SPAG16: variants seen among roughly 807,000 people sequenced by gnomAD.
The protein encoded by SPAG16 is sperm-associated antigen 16 protein.
A neutral mutation model predicts 80.4 loss-of-function variants in SPAG16; 86 were observed. That is an observed-to-expected ratio of 1.07 (90% CI 0.90 to 1.28). The LOEUF is 1.28. Ranked by LOEUF, SPAG16 falls within the 50% of genes most tolerant of loss-of-function variation. The probability of loss-of-function intolerance (pLI) is 0.00; values close to 1 mark genes in which losing one functional copy is unlikely to be tolerated. For missense variants in SPAG16, 870 were observed against 765.3 expected, an observed-to-expected ratio of 1.14 and a Z score of -1.61; for synonymous variants, 294 against 265.9, an observed-to-expected ratio of 1.11 and a Z score of -1.03.
intron 12 of SPAG16, 69 bp downstream of exon 12, chr2:213,930,214 C>CA (rs1369446092): frequency 3.2e-5 from 31 of 966,672 alleles, no homozygotes; most frequent in Non-Finnish European, 4.1e-5. Context: ...TGGTAAAGTT[C>CA]TTTTTTTTTT....
At chr2:213,883,886 T>G (rs1203449166) in intron 11 of SPAG16, among the ~76,000 whole-genome samples, 1 of 152,212 alleles carries the variant, frequency 6.6e-6, no homozygotes, top group African/African-American at 2.4e-5. Context: ...GTCCATTTAC[T>G]TTGAGCCTGA....
At position 214,408,683 on chromosome 2, in the gene SPAG16, GCTATTTTC is replaced by G. The variant is rs1702130334; in HGVS notation, c.1721-1456_1721-1449del. On this transcript the variant is annotated intron_variant, in intron 15 of 15. Coordinates refer to ENST00000331683, the MANE Select transcript of SPAG16 (RefSeq NM_024532.5). ...AATTCTTATTATAAAATGGACCAATGCTATTTTCACAATATATCACTTACCTAAAATCT... is the reference window on the plus strand; with the variant it reads ...AATTCTTATTATAAAATGGACCAATGACAATATATCACTTACCTAAAATCT... 2.0e-5 allele frequency among the ~76,000 whole-genome samples: 3 copies of G among 152,216 alleles called. No individual in the cohort carries two copies. The South Asian group carries it at 6.2e-4, about 32-fold the overall frequency.
At chr2:213,997,741 T>G (rs1461221670) in intron 12 of SPAG16, among the ~76,000 whole-genome samples, 4 of 152,168 alleles carry the variant, frequency 2.6e-5, no homozygotes, top group Admixed American at 6.5e-5. Flanking sequence ...GCTGATGAGG[T>G]TATAAAAAAA....
At chr2:213,793,219 C>T (rs1489147770) in intron 10 of SPAG16, among the ~76,000 whole-genome samples, 2 of 152,050 alleles carry the variant, frequency 1.3e-5, no homozygotes, top group South Asian at 2.1e-4. Flanking sequence ...TGAGCCACCG[C>T]GCGGCCTTAT....
intron 15 of SPAG16, among the ~76,000 whole-genome samples, chr2:214,393,385 T>A (rs1229010633): frequency 6.6e-6 from 1 of 152,126 alleles, no homozygotes. Flanking sequence ...TCCCCTGAAT[T>A]GAGTTTAATA....
chr2:213,888,095 G>A (rs1223944872), intron 11 of SPAG16, among the ~76,000 whole-genome samples: 1 of 151,854 alleles, frequency 6.6e-6, no homozygotes, highest in East Asian at 1.9e-4. Context: ...TGTTTACCTT[G>A]AAGGAGCAAG....
At chr2:214,389,170 A>G (rs1023122439) in intron 15 of SPAG16, among the ~76,000 whole-genome samples, 1 of 152,256 alleles carries the variant, frequency 6.6e-6, no homozygotes, top group Admixed American at 6.5e-5. Flanking sequence ...CCAAAAATAT[A>G]TCTCAAAACA....
intron 15 of SPAG16, among the ~76,000 whole-genome samples, chr2:214,229,849 G>A (rs1170947235): frequency 6.6e-6 from 1 of 151,820 alleles, no homozygotes; most frequent in Non-Finnish European, 1.5e-5. Flanking sequence ...GCTGCAGTTT[G>A]TATAGCATTA....
chr2:214,241,859 T>C (rs931064458), intron 15 of SPAG16, among the ~76,000 whole-genome samples: 1 of 151,224 alleles, frequency 6.6e-6, no homozygotes, highest in East Asian at 1.9e-4. Context: ...GAAGCAGACT[T>C]AAACTCTCAT....
chr2:213,490,252 A>G (rs1483298647), intron 10 of SPAG16, among the ~76,000 whole-genome samples, 162 bp downstream of exon 10: 2 of 152,192 alleles, frequency 1.3e-5, no homozygotes, highest in Admixed American at 1.3e-4. Flanking sequence ...TAAGAATCTT[A>G]AAAGTAATTG....
chr2:214,141,541 A>G (rs928555478), intron 14 of SPAG16, among the ~76,000 whole-genome samples: 2 of 152,054 alleles, frequency 1.3e-5, no homozygotes, highest in African/African-American at 4.8e-5. Flanking sequence ...GACCAATGCT[A>G]TACTTAGGAT....
chr2:213,890,179 T>G (rs1433490427), intron 11 of SPAG16, among the ~76,000 whole-genome samples: 1 of 152,032 alleles, frequency 6.6e-6, no homozygotes, highest in African/African-American at 2.4e-5. Flanking sequence ...AGAAGGACAC[T>G]TTTTAGAAAA....
chr2:214,327,930 T>G (rs1207376123), intron 15 of SPAG16, among the ~76,000 whole-genome samples: 2 of 152,192 alleles, frequency 1.3e-5, no homozygotes, highest in Non-Finnish European at 2.9e-5. Flanking sequence ...TAATTGATAC[T>G]AGAGTATCAG....
At chr2:214,193,486 T>C (rs569634900) in intron 15 of SPAG16, among the ~76,000 whole-genome samples, 22 of 151,618 alleles carry the variant, frequency 1.5e-4, no homozygotes, top group African/African-American at 4.3e-4. Context: ...CAAAGCTATG[T>C]CTGCCAAGAT....
At chr2:213,802,395 C>CTATCTA (rs2071466453) in intron 10 of SPAG16, among the ~76,000 whole-genome samples, 1 of 148,020 alleles carries the variant, frequency 6.8e-6, no homozygotes, top group African/African-American at 2.5e-5. Flanking sequence ...TGATTCATGT[C>CTATCTA]TCTATCTATC....
chr2:214,239,398 A>G (rs1050291173), intron 15 of SPAG16: 5 of 152,110 alleles, frequency 3.3e-5, no homozygotes, highest in African/African-American at 1.2e-4. Context: ...GAACTTTTTC[A>G]TTTTGCAAAA....
At chr2:214,341,256 A>C (rs1255511945) in intron 15 of SPAG16, among the ~76,000 whole-genome samples, 1 of 152,214 alleles carries the variant, frequency 6.6e-6, no homozygotes, top group Non-Finnish European at 1.5e-5. Flanking sequence ...TGGAAAATAC[A>C]AAAGACACCA....
chr2:213,583,983 C>T (rs1222412490), intron 10 of SPAG16, among the ~76,000 whole-genome samples: 1 of 152,128 alleles, frequency 6.6e-6, no homozygotes, highest in Non-Finnish European at 1.5e-5. Context: ...AAGTACCTGA[C>T]ATTCAGTCAT....
rs68157142 is a variant in SPAG16, at chr2:214,390,343, A to T, written c.1721-19797A>T. On this transcript the variant is annotated intron_variant, in intron 15 of 15. Transcript: ENST00000331683. ...ATGAATGGGTATGCTTTTTTTTTTA[A>T]AAAAAAAAAAAAAAAAGTCCTTTTC... 6.1e-3 allele frequency among the ~76,000 whole-genome samples: 692 copies of T among 112,956 alleles called. 2 individuals are homozygous for T. Among genetic ancestry groups the T allele is most frequent in the Admixed American group, 7.7e-3 (82 of 10,614 alleles). The allele number at this position is 112,956 out of a possible 152,430, so 74.1% of individuals were successfully genotyped here.
Sources: gnomAD v4.1 joint callset for allele counts (sites outside exome capture counted in the v4.1 genomes callset) on GRCh38, gnomAD v4.1.1 for gene constraint, MANE v1.5 for transcripts, NCBI Gene and HGNC (gene_info 2026-07-23, HGNC 2026-07-21) for gene names.